RBFOX1: variants seen among roughly 807,000 people sequenced by gnomAD.
RBFOX1 encodes the protein RNA binding fox-1 homolog 1.
In RBFOX1, 8 loss-of-function variants were observed where a neutral mutation model predicts 57.7. The observed-to-expected ratio is 0.14, with a 90% CI of 0.08 to 0.25. RBFOX1 has a LOEUF of 0.25. RBFOX1 is among the 10% of genes least tolerant of loss of function. RBFOX1 has a pLI of 1.00. For synonymous variants in RBFOX1, 326 were observed against 222.4 expected (o/e 1.47, Z -4.15); for missense variants, 611 against 548.5 (o/e 1.11, Z -1.14).
intron 3 of RBFOX1, among the ~76,000 whole-genome samples, chr16:6,774,223 G>C (rs1487643324): frequency 6.6e-6 from 1 of 152,108 alleles, no homozygotes; most frequent in Non-Finnish European, 1.5e-5. Context: ...TGTCTGTTTG[G>C]TTTTGTCTAC....
intron 3 of RBFOX1, among the ~76,000 whole-genome samples, chr16:5,612,005 G>T (rs1304409588): frequency 1.3e-5 from 2 of 151,346 alleles, no homozygotes; most frequent in Admixed American, 6.6e-5. Context: ...GCATGCACCT[G>T]TGGTCCCAGC....
intron 2 of RBFOX1, among the ~76,000 whole-genome samples, chr16:6,475,158 T>A (rs528295886): frequency 3.3e-5 from 5 of 152,180 alleles, no homozygotes; most frequent in African/African-American, 4.8e-5. Flanking sequence ...TGAAATAATG[T>A]TAGCTTTTCT....
chr16:5,720,086 A>G (rs747761031), intron 3 of RBFOX1, among the ~76,000 whole-genome samples: 4 of 151,968 alleles, frequency 2.6e-5, no homozygotes, highest in African/African-American at 4.8e-5. Context: ...ACTTGGTATG[A>G]TCAGTTTTGG....
chr16:6,487,695 AAAAAAATATATATATATATATATATATAT>A (rs2095528947), intron 2 of RBFOX1, among the ~76,000 whole-genome samples: 2 of 6,300 alleles, frequency 3.2e-4, no homozygotes, highest in African/African-American at 7.4e-4. Flanking sequence ...AAAAAAAAAA[AAAAAAATATATATATATATATATATATAT>A]ATATATATAT....
chr16:5,841,572 A>C (rs1348744981), intron 3 of RBFOX1, among the ~76,000 whole-genome samples: 1 of 152,194 alleles, frequency 6.6e-6, no homozygotes, highest in Non-Finnish European at 1.5e-5. Context: ...GATACACAGC[A>C]ACCATTTGTT....
rs79842976 is a variant in RBFOX1, at chr16:6,892,972, T to G, written c.-15-159085T>G. Among the ~76,000 whole-genome samples, 754 of 152,220 alleles carry G rather than the reference T, an allele frequency of 5.0e-3. 6 individuals are homozygous for G. Among genetic ancestry groups the G allele is most frequent in the African/African-American group, 0.017 (712 of 41,546 alleles). On this transcript the variant is annotated intron_variant, in intron 3 of 15. Coordinates refer to ENST00000550418, the MANE Select transcript of RBFOX1 (RefSeq NM_018723.4). ...CTGCTCTGCTTTTGCCTTGATCTAG[T>G]TTTACTTTTAATTGCAAAAACTACA...
chr16:5,338,075 C>G (rs376620268), intron 1 of RBFOX1, among the ~76,000 whole-genome samples: 1 of 152,120 alleles, frequency 6.6e-6, no homozygotes, highest in African/African-American at 2.4e-5. Flanking sequence ...TTATAGCTTT[C>G]TTCTAGGGAT....
chr16:6,262,087 G>A (rs529809998), intron 1 of RBFOX1, among the ~76,000 whole-genome samples: 1 of 151,914 alleles, frequency 6.6e-6, no homozygotes, highest in Admixed American at 6.6e-5. Flanking sequence ...AAGGTGAAAC[G>A]TAGAGATGAC....
chr16:5,534,338 G>A (rs1218929944), intron 2 of RBFOX1, among the ~76,000 whole-genome samples: 1 of 152,176 alleles, frequency 6.6e-6, no homozygotes, highest in Non-Finnish European at 1.5e-5. Context: ...CATACGATCA[G>A]AAAGTGAAGT....
chr16:7,406,188 T>C (rs7205818), intron 4 of RBFOX1, among the ~76,000 whole-genome samples: 125,823 of 152,148 alleles, frequency 0.83, 52,122 homozygotes, highest in Admixed American at 0.84. Context: ...ATCTAGATCA[T>C]GACACCTAAA....
In RBFOX1 at chr16:5,302,461, A is replaced by T. The variant is rs140306285; in HGVS notation, c.219+62356A>T. ...AATATCAAGTAGGTCAAGCTGGTTG[A>T]TTGTGTCATTCAAATTTAATATATG... On this transcript the variant is annotated intron_variant, in intron 1 of 2. Transcript: ENST00000585867. Among the ~76,000 whole-genome samples the T allele has an allele frequency of 6.7e-4, 102 of 152,274 alleles. 1 individual carries two copies. The East Asian group carries it at 0.018, about 27-fold the overall frequency.
intron 3 of RBFOX1, among the ~76,000 whole-genome samples, chr16:5,782,935 C>T (rs2054371560): frequency 6.6e-6 from 1 of 152,058 alleles, no homozygotes; most frequent in Non-Finnish European, 1.5e-5. Flanking sequence ...CTATGTAGGC[C>T]CTCCATGGAT....
At chr16:6,831,142 G>A (rs1023772108) in intron 3 of RBFOX1, among the ~76,000 whole-genome samples, 7 of 152,086 alleles carry the variant, frequency 4.6e-5, no homozygotes, top group African/African-American at 1.7e-4. Flanking sequence ...ATTTGCAAGC[G>A]GTTTTGCTCA....
chr16:6,853,884 C>G (rs11644354), intron 3 of RBFOX1, among the ~76,000 whole-genome samples: 32,031 of 152,028 alleles, frequency 0.21, 4,168 homozygotes, highest in Admixed American at 0.36. Context: ...ATAGCCAGGG[C>G]CAGGATCTAT....
intron 3 of RBFOX1, among the ~76,000 whole-genome samples, chr16:6,953,462 C>A (rs528422387): frequency 2.0e-5 from 3 of 151,950 alleles, no homozygotes; most frequent in Admixed American, 1.3e-4. Flanking sequence ...CTCAGCTCAC[C>A]GCAACCTCCA....
At chr16:7,379,043 T>A (rs1247640714) in intron 4 of RBFOX1, among the ~76,000 whole-genome samples, 1 of 152,242 alleles carries the variant, frequency 6.6e-6, no homozygotes, top group Non-Finnish European at 1.5e-5. Context: ...GACCTGGCAA[T>A]ATTAACAGTA....
At chr16:6,840,854 T>G (rs1250473538) in intron 3 of RBFOX1, among the ~76,000 whole-genome samples, 3 of 140,892 alleles carry the variant, frequency 2.1e-5, no homozygotes, top group Non-Finnish European at 1.5e-5. Context: ...CCCATTGTAC[T>G]CTAGCCTGGG....
chr16:5,572,542 C>T (rs529352752), intron 2 of RBFOX1, among the ~76,000 whole-genome samples: 12 of 152,102 alleles, frequency 7.9e-5, no homozygotes, highest in Non-Finnish European at 1.3e-4. Context: ...GTCATGACAA[C>T]CAGAATCTCT....
Position 5,424,008 on chromosome 16 carries a change from A to G in RBFOX1, c.220-43208A>G, listed in dbSNP as rs573965164. ...CCATTTCTCAGCAATCTAAGGATAA[A>G]GAAGGAGAAATCAACCAACCCTCAC... On this transcript the variant is annotated intron_variant, in intron 1 of 2. Transcript: ENST00000585867. 2.0e-5 allele frequency among the ~76,000 whole-genome samples: 3 copies of G among 152,196 alleles called. 1 individual carries two copies. Among genetic ancestry groups the G allele is most frequent in the Non-Finnish European group, 4.4e-5 (3 of 68,036 alleles).
Sources: allele counts gnomAD v4.1 joint callset (sites outside exome capture counted in the v4.1 genomes callset), GRCh38; gene constraint gnomAD v4.1.1; transcripts MANE v1.5; gene names NCBI Gene and HGNC (gene_info 2026-07-23, HGNC 2026-07-21).